Variants in RPL23A observed in about 807,000 individuals in gnomAD.
The protein encoded by RPL23A is ribosomal protein L23a.
RPL23A carries 2 observed loss-of-function variants against 17.6 expected under a neutral mutation model. The observed-to-expected ratio is 0.11, with a 90% CI of 0.05 to 0.36. The LOEUF is 0.36. RPL23A is among the 10% of genes least tolerant of loss of function. The pLI, the probability that RPL23A is intolerant of heterozygous loss-of-function variation, is 1.00. For synonymous variants in RPL23A, 65 were observed against 74.3 expected, an observed-to-expected ratio of 0.87 and a Z score of 0.65; for missense variants, 132 against 194.4, an observed-to-expected ratio of 0.68 and a Z score of 1.91.
chr17:28,720,590 A>G (rs759967178), intron 1 of RPL23A, 117 bp from the exon 2 acceptor site: 10 of 1,380,982 alleles, frequency 7.2e-6, no homozygotes, highest in Non-Finnish European at 1.0e-5. Context: ...GACACTTGTG[A>G]TGTCTTCAAA....
rs914762307 is a variant in RPL23A at position 28,724,023 on chromosome 17, A to T, written c.*142A>T. 1.7e-5 allele frequency: 10 copies of T among 591,314 alleles called. No individual in the cohort carries two copies. The highest frequency in any genetic ancestry group is 1.3e-4 in the African/African-American group (7 of 53,274). The allele number at this position is 591,314 out of a possible 1,614,324, so 36.6% of individuals were successfully genotyped here. The stretch of plus-strand genomic sequence containing the variant: ...AGGGCTTGGGCAAGACTCCTGTTCT[A>T]CTTATCCTTTTGAAATACCTCACCC... On this transcript the variant is annotated 3_prime_UTR_variant, in exon 5 of 5. Transcript: ENST00000422514.
At chr17:28,721,795 G>A (rs1270220209) in intron 2 of RPL23A, 5 of 152,176 alleles carry the variant, frequency 3.3e-5, no homozygotes, top group Non-Finnish European at 7.3e-5. Context: ...AGAAAAAGTG[G>A]ATTGTGTTCA....
intron 1 of RPL23A, 125 bp from the exon 2 acceptor site, chr17:28,720,582 C>G (rs766916796): frequency 7.3e-7 from 1 of 1,374,254 alleles, no homozygotes; most frequent in Non-Finnish European, 1.0e-6. Flanking sequence ...AATCTCCTGA[C>G]ACTTGTGATG....
chr17:28,721,011 T>C, intron 2 of RPL23A, 121 bp downstream of exon 2: 2 of 853,864 alleles, frequency 2.3e-6, no homozygotes, highest in Non-Finnish European at 3.7e-6. Flanking sequence ...GCTTCTCTAA[T>C]TGGAAGTATG....
chr17:28,720,334 G>C, intron 1 of RPL23A: 1 of 1,551,270 alleles, frequency 6.4e-7, no homozygotes, highest in Non-Finnish European at 8.7e-7. Context: ...GGCCTGTAAG[G>C]AATTAGTGCC....
At chr17:28,723,453 T>C (rs761136523) in intron 3 of RPL23A, 118 bp from the exon 4 acceptor site, 3 of 823,988 alleles carry the variant, frequency 3.6e-6, no homozygotes, top group Non-Finnish European at 6.5e-6. Flanking sequence ...AAAATCATTA[T>C]TGGAAAAGAA....
intron 2 of RPL23A, 129 bp downstream of exon 2, chr17:28,721,019 A>G (rs1158653428): frequency 1.2e-6 from 1 of 810,718 alleles, no homozygotes; most frequent in Non-Finnish European, 2.0e-6. Context: ...AATTGGAAGT[A>G]TGAGGAGATT....
At chr17:28,720,385 G>T in intron 1 of RPL23A, 1 of 1,574,148 alleles carries the variant, frequency 6.4e-7, no homozygotes, top group Non-Finnish European at 8.6e-7. Context: ...TGTTCAACCG[G>T]GCTACATTAC....
chr17:28,720,372 T>C, intron 1 of RPL23A: 1 of 1,562,400 alleles, frequency 6.4e-7, no homozygotes, highest in South Asian at 1.2e-5. Context: ...TCCTTCTGGT[T>C]CATGTTCAAC....
chr17:28,720,632 C>T, intron 1 of RPL23A, 75 bp from the exon 2 acceptor site: 3 of 1,506,880 alleles, frequency 2.0e-6, no homozygotes, highest in Non-Finnish European at 2.8e-6. Context: ...GCCAGGGTGG[C>T]CCACTGCAGT....
chr17:28,723,675 C>T, intron 4 of RPL23A, 35 bp downstream of exon 4: 1 of 1,591,240 alleles, frequency 6.3e-7, no homozygotes, highest in Non-Finnish European at 8.6e-7. Flanking sequence ...TTAATGCTCA[C>T]CCCTTGGGTG....
In RPL23A at chr17:28,724,211, T is replaced by G. The variant is rs2034169407; in HGVS notation, c.*330T>G. 2.0e-6 allele frequency: 1 copy of G among 506,234 alleles called. No individual in the cohort carries two copies. The allele number at this position is 506,234 out of a possible 1,614,324, so 31.4% of individuals were successfully genotyped here. A position where few individuals can be genotyped will look rare whatever the true frequency, so the allele number is the denominator to read the frequency against. On this transcript the variant is annotated 3_prime_UTR_variant, in exon 5 of 5. Transcript: ENST00000422514. Reference sequence around the variant, plus strand: ...GTGTATGAAACCAATGCCCAGGGTTTGAAGGGTGTTAGCATCCATTTCAGG... The same window carrying G: ...GTGTATGAAACCAATGCCCAGGGTTGGAAGGGTGTTAGCATCCATTTCAGG...
intron 3 of RPL23A, 188 bp from the exon 4 acceptor site, chr17:28,723,383 G>C: frequency 1.3e-6 from 1 of 764,214 alleles, no homozygotes; most frequent in South Asian, 1.4e-5. Context: ...GTGGCCTGTG[G>C]TGTTTCCCAT....
intron 1 of RPL23A, 50 bp downstream of exon 1, chr17:28,720,080 C>T: frequency 2.6e-6 from 4 of 1,548,998 alleles, no homozygotes; most frequent in Middle Eastern, 2.0e-4. Flanking sequence ...ATTGCCGCGC[C>T]GCAGAGCGAA....
intron 1 of RPL23A, 152 bp downstream of exon 1, chr17:28,720,182 CGCGTGGGCCCAGCCTCGTGGGCT>C (rs1225704002): frequency 5.9e-4 from 900 of 1,528,572 alleles, no homozygotes; most frequent in Non-Finnish European, 7.4e-4. Flanking sequence ...ATACGTGGGC[CGCGTGGGCCCAGCCTCGTGGGCT>C]GAGTTCCGGT....
chr17:28,724,285 C>A lies in RPL23A; in HGVS notation c.*404C>A, dbSNP rs549520499. On this transcript the variant is annotated 3_prime_UTR_variant, in exon 5 of 5. Transcript: ENST00000422514. ...TGGTAGCATTTTGTCCTCACACACC[C>A]ATCTACTATGTCCAACCGGTCTGTC... The A allele has an allele frequency of 1.3e-4, 83 of 628,450 alleles. 2 individuals carry two copies. Among genetic ancestry groups the A allele is most frequent in the African/African-American group, 1.3e-3 (70 of 54,968 alleles). The allele number at this position is 628,450 out of a possible 1,614,324, so 38.9% of individuals were successfully genotyped here.
chr17:28,721,444 AG>A (rs2034113362), intron 2 of RPL23A: 1 of 155,854 alleles, frequency 6.4e-6, no homozygotes, highest in African/African-American at 2.4e-5. Flanking sequence ...TTTTGGGGGG[AG>A]TATAAAGTAG....
chr17:28,723,730 T>G (rs770122324), intron 4 of RPL23A, 90 bp downstream of exon 4: 1 of 1,380,194 alleles, frequency 7.2e-7, no homozygotes, highest in African/African-American at 1.4e-5. Flanking sequence ...CTTTGCTGAT[T>G]AGTCATAATT....
At chr17:28,720,972 G>A in intron 2 of RPL23A, 82 bp downstream of exon 2, 1 of 1,260,278 alleles carries the variant, frequency 7.9e-7, no homozygotes, top group Non-Finnish European at 1.1e-6. Context: ...CTGCGTGATG[G>A]TTTCTCAAAC....
Sources: allele counts gnomAD v4.1 joint callset, GRCh38; gene constraint gnomAD v4.1.1; transcripts MANE v1.5; gene names NCBI Gene and HGNC (gene_info 2026-07-23, HGNC 2026-07-21).